RP1: variants seen among roughly 807,000 people sequenced by gnomAD.
RP1 encodes the protein RP1 axonemal microtubule associated.
RP1 carries 16 observed loss-of-function variants against 14.8 expected under a neutral mutation model. The observed-to-expected ratio is 1.08, with a 90% confidence interval of 0.73 to 1.65. The LOEUF is 1.65. RP1 is among the 40% of genes most tolerant of loss of function. RP1 has a pLI of 0.00. For missense variants in RP1, 2,631 were observed against 2,535.0 expected (o/e 1.04, Z -0.81); for synonymous variants, 876 against 883.6 (o/e 0.99, Z 0.15).
chr8:54,606,812 A>AC (rs1423955036), intron 1 of RP1, among the ~76,000 whole-genome samples: 1 of 151,980 alleles, frequency 6.6e-6, no homozygotes, highest in African/African-American at 2.4e-5. Flanking sequence ...CACCACTGAT[A>AC]CCCTTTCTTC....
intron 13 of RP1, chr8:54,701,335 A>C: frequency 3.4e-6 from 2 of 594,044 alleles, no homozygotes; most frequent in Non-Finnish European, 5.1e-6. Context: ...CTGGGGAATA[A>C]AACCTACTGA....
At chr8:54,607,340 C>T (rs952472591) in intron 1 of RP1, among the ~76,000 whole-genome samples, 10 of 152,152 alleles carry the variant, frequency 6.6e-5, no homozygotes, top group Non-Finnish European at 1.2e-4. Flanking sequence ...GTATCCGCAG[C>T]AGAGGCTACA....
At chr8:54,702,654 T>A (rs748997172) in intron 14 of RP1, among the ~76,000 whole-genome samples, 15 of 152,150 alleles carry the variant, frequency 9.9e-5, no homozygotes, top group Non-Finnish European at 1.6e-4. Flanking sequence ...AAGACAACAA[T>A]GAAGTTTGCC....
At chr8:54,700,327 G>C (rs1807981564) in intron 13 of RP1, among the ~76,000 whole-genome samples, 1 of 151,700 alleles carries the variant, frequency 6.6e-6, no homozygotes, top group South Asian at 2.1e-4. Context: ...TCCTGCCTCA[G>C]CCTCCCAAAA....
intron 1 of RP1, among the ~76,000 whole-genome samples, chr8:54,617,562 G>A (rs1805750016): frequency 6.6e-6 from 1 of 152,102 alleles, no homozygotes; most frequent in Admixed American, 6.5e-5. Flanking sequence ...CCAGGTAAAT[G>A]GTGTACCACC....
chr8:54,827,664 C>T (rs1245901076), intron 24 of RP1, among the ~76,000 whole-genome samples: 2 of 151,954 alleles, frequency 1.3e-5, no homozygotes, highest in Non-Finnish European at 2.9e-5. Context: ...TAAGAGAGGC[C>T]GAGACGGCAG....
At chr8:54,701,023 G>C (rs1808002032) in intron 13 of RP1, among the ~76,000 whole-genome samples, 1 of 152,056 alleles carries the variant, frequency 6.6e-6, no homozygotes, top group South Asian at 2.1e-4. Context: ...AGGGAGATGG[G>C]GTGAGACCTA....
intron 24 of RP1, among the ~76,000 whole-genome samples, chr8:54,806,796 G>T (rs867501883): frequency 6.6e-6 from 1 of 152,114 alleles, no homozygotes; most frequent in Non-Finnish European, 1.5e-5. Context: ...TGTAATGGGT[G>T]AAGAGGAACA....
chr8:54,705,455 T>C (rs1307066295), intron 14 of RP1, among the ~76,000 whole-genome samples: 1 of 152,174 alleles, frequency 6.6e-6, no homozygotes, highest in Non-Finnish European at 1.5e-5. Flanking sequence ...AGAGTCTTTA[T>C]TGGGCTTCCA....
At chr8:54,808,632 C>T (rs954956394) in intron 24 of RP1, among the ~76,000 whole-genome samples, 2 of 152,214 alleles carry the variant, frequency 1.3e-5, no homozygotes, top group Non-Finnish European at 2.9e-5. Flanking sequence ...TCATTTTTCA[C>T]TTGACCATTA....
intron 12 of RP1, among the ~76,000 whole-genome samples, chr8:54,687,643 T>C (rs901170391): frequency 6.6e-6 from 1 of 152,150 alleles, no homozygotes; most frequent in Non-Finnish European, 1.5e-5. Flanking sequence ...CATGAACTCA[T>C]CCTTTTTTAT....
At chr8:54,863,073 A>AT (rs1239833240) in intron 27 of RP1, among the ~76,000 whole-genome samples, 1 of 146,170 alleles carries the variant, frequency 6.8e-6, no homozygotes, top group Non-Finnish European at 1.5e-5. Flanking sequence ...ATATATATAT[A>AT]TATATGCAGA....
chr8:54,841,447 A>G (rs889091656), intron 25 of RP1, among the ~76,000 whole-genome samples: 1 of 152,194 alleles, frequency 6.6e-6, no homozygotes, highest in African/African-American at 2.4e-5. Flanking sequence ...GGCAGTTGGC[A>G]CTTACACTCT....
rs538825686 is a variant in RP1, at chr8:54,628,013, C to G, written c.4131C>G (p.Asp1377Glu). 1.9e-6 allele frequency: 3 copies of G among 1,613,930 alleles called. No individual in the cohort carries two copies. The Admixed American group carries it at 5.0e-5, about 27-fold the overall frequency. ...AGAAAGATCTAAATATTTTGACAGACCCTGAATATAAAAATGGATTTAATA... is the reference window on the plus strand; with the variant it reads ...AGAAAGATCTAAATATTTTGACAGAGCCTGAATATAAAAATGGATTTAATA... Reference protein sequence around the residue: ...DIQKDLNILTDPEYKNGFNTL... With the variant: ...DIQKDLNILTEPEYKNGFNTL... The change falls in exon 4 of 4, where the codon GAC (aspartate) becomes GAG (glutamate). Residue 1377 changes from aspartate to glutamate, a missense_variant. Asp to Glu is a conservative substitution (Grantham distance 45, BLOSUM62 2). Transcript: ENST00000220676.
At chr8:54,775,887 T>C (rs1357676299) in intron 23 of RP1, among the ~76,000 whole-genome samples, 2 of 152,172 alleles carry the variant, frequency 1.3e-5, no homozygotes, top group Non-Finnish European at 2.9e-5. Flanking sequence ...TGAAAGTAGA[T>C]TTGAACCTAG....
At chr8:54,608,202 A>C (rs4014228) in intron 1 of RP1, among the ~76,000 whole-genome samples, 4 of 130,212 alleles carry the variant, frequency 3.1e-5, no homozygotes, top group African/African-American at 1.3e-4. Flanking sequence ...TTTTTTTTTT[A>C]ATTTGAGATG....
chr8:54,602,212 G>A (rs1402330243), intron 1 of RP1, among the ~76,000 whole-genome samples: 2 of 152,100 alleles, frequency 1.3e-5, no homozygotes, highest in African/African-American at 4.8e-5. Flanking sequence ...ACAGGCCCCA[G>A]TGTGTGATGT....
chr8:54,706,792 A>ACC, intron 15 of RP1: 1 of 835,870 alleles, frequency 1.2e-6, no homozygotes, highest in Admixed American at 2.3e-5. Flanking sequence ...TATTTTTAAT[A>ACC]AGTGAGGAGA....
At chr8:54,844,546 C>T (rs2129405767) in intron 25 of RP1, among the ~76,000 whole-genome samples, 1 of 151,262 alleles carries the variant, frequency 6.6e-6, no homozygotes, top group African/African-American at 2.4e-5. Flanking sequence ...ACAAGCTTGC[C>T]TCTGTGTGTG....
Sources: allele counts gnomAD v4.1 joint callset (sites outside exome capture counted in the v4.1 genomes callset), GRCh38; gene constraint gnomAD v4.1.1; transcripts MANE v1.5; gene names NCBI Gene and HGNC (gene_info 2026-07-23, HGNC 2026-07-21).